The following POLQ variants were observed in gnomAD, a reference collection of about 807,000 sequenced individuals.
POLQ encodes epididymis secretory sperm binding protein.
POLQ carries 233 observed loss-of-function variants against 259.2 expected under a neutral mutation model. The observed-to-expected ratio is 0.90, with a 90% CI of 0.81 to 1.00. The LOEUF is 1.00. Among genes scored for constraint, POLQ ranks in the 50% least tolerant of loss-of-function variants. The pLI, the probability that POLQ is intolerant of heterozygous loss-of-function variation, is 0.00. For synonymous variants in POLQ, 1,025 were observed against 1,048.8 expected, an observed-to-expected ratio of 0.98 and a Z score of 0.44; for missense variants, 2,871 against 3,051.6, an observed-to-expected ratio of 0.94 and a Z score of 1.39.
intron 25 of POLQ, among the ~76,000 whole-genome samples, chr3:121,451,024 T>G (rs2047670954): frequency 6.6e-6 from 1 of 152,236 alleles, no homozygotes; most frequent in South Asian, 2.1e-4. Flanking sequence ...TCTTCTTGCT[T>G]CATTTCATTT....
At chr3:121,480,822 C>T (rs932366400) in intron 19 of POLQ, among the ~76,000 whole-genome samples, 1 of 152,028 alleles carries the variant, frequency 6.6e-6, no homozygotes, top group Non-Finnish European at 1.5e-5. Context: ...TGCCCAAAGT[C>T]CCTCAGCTCA....
chr3:121,444,892 T>C (rs1179375532), intron 26 of POLQ, among the ~76,000 whole-genome samples: 1 of 152,232 alleles, frequency 6.6e-6, no homozygotes, highest in Non-Finnish European at 1.5e-5. Context: ...TGATATGATG[T>C]ATCACATTGA....
At chr3:121,433,117 G>A in intron 28 of POLQ, 84 bp from the exon 29 acceptor site, 1 of 754,950 alleles carries the variant, frequency 1.3e-6, no homozygotes, top group Non-Finnish European at 2.4e-6. Context: ...GTAACTCTGA[G>A]GAATTTTAAT....
chr3:121,489,600 T>G lies in POLQ; in HGVS notation c.3331A>C (p.Lys1111Gln), dbSNP rs762097573. ...VSLSGKEKDN[K>Q]TSFPLQIKQN... ...TTTATTTGTAATGGGAATGATGTTTTATTATCTTTTTCCTTACCACTCAAA... is the reference window on the plus strand; with the variant it reads ...TTTATTTGTAATGGGAATGATGTTTGATTATCTTTTTCCTTACCACTCAAA... The change falls in exon 16 of 30, where the codon AAA becomes CAA. Residue 1111 changes from lysine (K) to glutamine (Q), a missense_variant. By Grantham distance (53) the Lys-to-Gln change is moderately conservative. Around this residue, in one of 3 missense-constraint regions of POLQ, gnomAD observed 2,080 missense variants for 2,126.0 expected, o/e 0.98. Transcript: ENST00000264233. 3 of 1,613,360 alleles carry G rather than the reference T, an allele frequency of 1.9e-6. No individual in the cohort carries two copies. The highest frequency in any genetic ancestry group is 2.5e-6 in the Non-Finnish European group (3 of 1,179,664).
intron 12 of POLQ, among the ~76,000 whole-genome samples, chr3:121,503,864 T>A (rs993967750): frequency 6.6e-5 from 10 of 151,970 alleles, no homozygotes; most frequent in African/African-American, 2.4e-4. Flanking sequence ...CAGAAAAAAA[T>A]TTTTTTGAGA....
At chr3:121,484,590 C>T (rs75581695) in intron 17 of POLQ, among the ~76,000 whole-genome samples, 2 of 152,260 alleles carry the variant, frequency 1.3e-5, no homozygotes, top group African/African-American at 4.8e-5. Flanking sequence ...AATGTACATG[C>T]CAGCTGCTCT....
chr3:121,437,400 G>GA (rs1051359020), intron 27 of POLQ, among the ~76,000 whole-genome samples: 1 of 152,118 alleles, frequency 6.6e-6, no homozygotes, highest in Admixed American at 6.6e-5. Context: ...ATTTACCCAT[G>GA]AAAAAATAAC....
At chr3:121,461,816 C>T (rs542254311) in intron 24 of POLQ, among the ~76,000 whole-genome samples, 1 of 152,102 alleles carries the variant, frequency 6.6e-6, no homozygotes, top group African/African-American at 2.4e-5. Context: ...AGGCCTCATA[C>T]ATGTAGTAAT....
intron 12 of POLQ, among the ~76,000 whole-genome samples, chr3:121,502,937 T>TA (rs145848405): frequency 5.8e-4 from 84 of 144,812 alleles, no homozygotes; most frequent in East Asian, 1.2e-3. Context: ...GAGTAAACAC[T>TA]AAAAAAAAAA....
intron 6 of POLQ, 53 bp from the exon 7 acceptor site, chr3:121,529,845 C>T (rs2048398360): frequency 7.0e-7 from 1 of 1,420,646 alleles, no homozygotes; most frequent in South Asian, 1.3e-5. Context: ...AAGATTCTCA[C>T]ATCAGTTTAA....
At chr3:121,436,003 A>T in intron 28 of POLQ, 119 bp downstream of exon 28, 1 of 796,866 alleles carries the variant, frequency 1.3e-6, no homozygotes, top group African/African-American at 1.7e-5. Context: ...GTATAAAGAC[A>T]TCATGAGACC....
At position 121,488,707 on chromosome 3, in the gene POLQ, A is replaced by G. The variant is rs778061468; in HGVS notation, c.4224T>C (p.Asp1408=). 3.7e-6 allele frequency: 6 copies of G among 1,614,018 alleles called. No individual in the cohort carries two copies. The South Asian group carries it at 5.5e-5, about 15-fold the overall frequency. Residue 1408 remains aspartate, a synonymous_variant, in exon 16 of 30, where the codon GAT becomes GAC. Coordinates refer to ENST00000264233, the MANE Select transcript of POLQ (RefSeq NM_199420.4). ...AAATCGGGCTTTCTGGAGTCAGGAT[A>G]TCAACCCCATGTGAATCACTGCTTT... ...MKQSSDSHGV[D]ILTPESPIFH...
At position 121,493,583 on chromosome 3, in the gene POLQ, C is replaced by T. The variant is rs751969676; in HGVS notation, c.2417G>A (p.Arg806Lys). 18 of 1,614,102 alleles carry T rather than the reference C, an allele frequency of 1.1e-5. 1 individual carries two copies. The highest frequency in any genetic ancestry group is 1.4e-5 in the Non-Finnish European group (17 of 1,179,976). ...LVRVSLLNAQ[R>K]ARVLYASGFH... ...GCCAGAAGCATAGAGAACCCTGGCTCTCTGAGCATTTAGTAAGGATACCCG... is the reference window on the plus strand; with the variant it reads ...GCCAGAAGCATAGAGAACCCTGGCTTTCTGAGCATTTAGTAAGGATACCCG... Residue 806 changes from arginine to lysine, a missense_variant, in exon 15 of 30, where the codon AGA (arginine) becomes AAA (lysine). Arg to Lys is a conservative substitution (Grantham distance 26, BLOSUM62 2). This residue lies in a region of POLQ where 2,080 missense variants were observed against 2,126.0 expected (regional missense o/e 0.98). Coordinates refer to ENST00000264233, the MANE Select transcript of POLQ (RefSeq NM_199420.4).
chr3:121,545,551 G>C (rs1359583767), intron 1 of POLQ, among the ~76,000 whole-genome samples, 164 bp downstream of exon 1: 2 of 152,236 alleles, frequency 1.3e-5, no homozygotes, highest in Non-Finnish European at 2.9e-5. Context: ...GCGTATGTCT[G>C]AACAGAAAGT....
chr3:121,467,376 A>C (rs1473911666), intron 24 of POLQ, 143 bp downstream of exon 24: 2 of 750,648 alleles, frequency 2.7e-6, no homozygotes, highest in African/African-American at 3.5e-5. Context: ...GGCATGACAA[A>C]GGAGAAAGGC....
At chr3:121,501,990 C>CAA (rs554794926) in intron 12 of POLQ, among the ~76,000 whole-genome samples, 49 of 60,354 alleles carry the variant, frequency 8.1e-4, no homozygotes, top group Non-Finnish European at 1.3e-3. Context: ...ACTCTGTCTC[C>CAA]AAAAAAAAAA....
At chr3:121,524,689 C>T (rs1446055871) in intron 7 of POLQ, among the ~76,000 whole-genome samples, 1 of 151,796 alleles carries the variant, frequency 6.6e-6, no homozygotes, top group Non-Finnish European at 1.5e-5. Flanking sequence ...TCTAAAGTGA[C>T]AGCAAGCAGA....
intron 7 of POLQ, among the ~76,000 whole-genome samples, chr3:121,526,499 G>A (rs1560107217): frequency 6.6e-6 from 1 of 151,938 alleles, no homozygotes; most frequent in Non-Finnish European, 1.5e-5. Context: ...GGTTCTTTGT[G>A]GCAATTTTTT....
chr3:121,504,038 T>C (rs1480318853), intron 12 of POLQ, among the ~76,000 whole-genome samples: 1 of 152,186 alleles, frequency 6.6e-6, no homozygotes, highest in African/African-American at 2.4e-5. Context: ...TTTTGTAATT[T>C]TGTATTTTTA....
Sources: gnomAD v4.1 joint callset for allele counts (sites outside exome capture counted in the v4.1 genomes callset) on GRCh38, gnomAD v4.1.1 for gene constraint, gnomAD v4.1.1 regional missense constraint, MANE v1.5 for transcripts, NCBI Gene and HGNC (gene_info 2026-07-23, HGNC 2026-07-21) for gene names.